Variants in PABPC4L observed in about 807,000 individuals in gnomAD.
PABPC4L encodes poly(A) binding protein cytoplasmic 4 like.
For missense variants in PABPC4L, 452 were observed against 451.4 expected, an observed-to-expected ratio of 1.00 and a Z score of -0.01; for synonymous variants, 169 against 164.1, an observed-to-expected ratio of 1.03 and a Z score of -0.23.
the PABPC4L span, among the ~76,000 whole-genome samples, chr4:134,014,743 A>C: frequency 6.6e-6 from 1 of 151,970 alleles, no homozygotes; most frequent in South Asian, 2.1e-4. Context: ...TCCCCTTCTT[A>C]ATCAATACAA....
chr4:134,201,291 C>T, intron 1 of PABPC4L, 46 bp from the exon 2 acceptor site: 2 of 1,412,716 alleles, frequency 1.4e-6, no homozygotes, highest in Non-Finnish European at 1.9e-6. Flanking sequence ...CGTTCCTTCC[C>T]CTCAGATTTG....
chr4:134,143,747 GT>G, the PABPC4L span, among the ~76,000 whole-genome samples: 1 of 151,124 alleles, frequency 6.6e-6, no homozygotes, highest in East Asian at 1.9e-4. Flanking sequence ...AACTTCAAAC[GT>G]TTTTAATAAT....
chr4:134,008,215 G>T, the PABPC4L span, among the ~76,000 whole-genome samples: 1 of 151,686 alleles, frequency 6.6e-6, no homozygotes, highest in Non-Finnish European at 1.5e-5. Flanking sequence ...ATATACAGTG[G>T]CATAAACCAT....
the PABPC4L span, among the ~76,000 whole-genome samples, chr4:134,044,448 T>C: frequency 6.6e-6 from 1 of 151,834 alleles, no homozygotes; most frequent in East Asian, 2.0e-4. Context: ...TATTTTTTAA[T>C]AGAGACGGTG....
chr4:133,984,432 C>T, the PABPC4L span, among the ~76,000 whole-genome samples: 2 of 151,838 alleles, frequency 1.3e-5, no homozygotes, highest in East Asian at 3.9e-4. Context: ...TCAAAAATGG[C>T]ATTTTTTCAC....
the PABPC4L span, among the ~76,000 whole-genome samples, chr4:134,014,371 A>C: frequency 6.6e-6 from 1 of 152,262 alleles, no homozygotes; most frequent in Admixed American, 6.5e-5. Flanking sequence ...CATCTCCAGC[A>C]CACAAGAACT....
rs1360812502 is a variant in PABPC4L, at chr4:134,200,215, C to T, written c.805G>A (p.Val269Ile). ...LIFVGRAQKK[V>I]ERQAELKQMF... The stretch of plus-strand genomic sequence containing the variant: ...TGCTTTAACTCAGCCTGTCGCTCGA[C>T]TTTCTTTTGAGCCCGGCCTACAAAA... Residue 269 changes from valine (V) to isoleucine (I), a missense_variant, in exon 2 of 2, where the codon GTC becomes ATC. Physicochemically the swap from Val to Ile is conservative, Grantham distance 29 (BLOSUM62 3). Coordinates refer to ENST00000421491, the MANE Select transcript of PABPC4L (RefSeq NM_001114734.2). 1.9e-6 allele frequency: 3 copies of T among 1,551,792 alleles called. No individual in the cohort carries two copies. Among genetic ancestry groups the T allele is most frequent in the Non-Finnish European group, 2.6e-6 (3 of 1,147,028 alleles).
Position 134,200,902 on chromosome 4 carries a change from G to T in PABPC4L, c.118C>A (p.Arg40Ser), listed in dbSNP as rs1436460887. Residue 40 changes from arginine to serine, a missense_variant, in exon 2 of 2, where the codon CGC becomes AGC. Physicochemically the swap from Arg to Ser is moderately radical, Grantham distance 110. Coordinates refer to ENST00000421491, the MANE Select transcript of PABPC4L (RefSeq NM_001114734.2). Reference protein sequence around the residue: ...FSTVGPVLSIRICRDQVTRRS... With the variant: ...FSTVGPVLSISICRDQVTRRS... ...CGGGTGACCTGGTCCCTGCAAATGCGGATGGACAGCACAGGCCCCACAGTG... is the reference window on the plus strand; with the variant it reads ...CGGGTGACCTGGTCCCTGCAAATGCTGATGGACAGCACAGGCCCCACAGTG... 2.6e-6 allele frequency: 4 copies of T among 1,560,778 alleles called. No individual in the cohort carries two copies. In the East Asian group the frequency reaches 7.2e-5, roughly 28 times the overall value.
the PABPC4L span, among the ~76,000 whole-genome samples, chr4:134,004,888 T>C: frequency 6.6e-6 from 1 of 151,872 alleles, no homozygotes; most frequent in Non-Finnish European, 1.5e-5. Flanking sequence ...ATCTCTTATA[T>C]GTGGAATCTA....
chr4:134,194,968 CT>C (rs1463409667), downstream of PABPC4L, among the ~76,000 whole-genome samples: 3 of 151,816 alleles, frequency 2.0e-5, no homozygotes, highest in East Asian at 5.8e-4. Flanking sequence ...TTACCAATAT[CT>C]TTTTAATTAA....
the PABPC4L span, among the ~76,000 whole-genome samples, chr4:134,022,180 A>G: frequency 6.6e-6 from 1 of 152,056 alleles, no homozygotes; most frequent in African/African-American, 2.4e-5. Flanking sequence ...CCCAAACTCT[A>G]TTTATTCTGT....
the PABPC4L span, among the ~76,000 whole-genome samples, chr4:134,109,088 A>G: frequency 1.3e-5 from 2 of 151,988 alleles, no homozygotes; most frequent in Non-Finnish European, 2.9e-5. Flanking sequence ...TAAAAGATGT[A>G]TATTAGTTGA....
At chr4:134,066,750 G>A in the PABPC4L span, among the ~76,000 whole-genome samples, 1 of 151,908 alleles carries the variant, frequency 6.6e-6, no homozygotes, top group Non-Finnish European at 1.5e-5. Flanking sequence ...TTAACATGAA[G>A]AGAGGTTGAA....
chr4:134,137,056 T>C, the PABPC4L span, among the ~76,000 whole-genome samples: 1 of 152,038 alleles, frequency 6.6e-6, no homozygotes, highest in African/African-American at 2.4e-5. Flanking sequence ...GAGTTCATTC[T>C]CATAAATGTC....
At chr4:134,169,341 TATC>T in the PABPC4L span, among the ~76,000 whole-genome samples, 1,581 of 152,094 alleles carry the variant, frequency 0.01, 33 homozygotes, top group African/African-American at 0.036. Flanking sequence ...CCACGAATAT[TATC>T]ATACTGAAAA....
chr4:133,990,153 T>C, the PABPC4L span, among the ~76,000 whole-genome samples: 1 of 152,158 alleles, frequency 6.6e-6, no homozygotes, highest in Non-Finnish European at 1.5e-5. Flanking sequence ...CCACACCTTA[T>C]TGCACATCAC....
At chr4:133,963,725 C>G in the PABPC4L span, among the ~76,000 whole-genome samples, 1 of 151,964 alleles carries the variant, frequency 6.6e-6, no homozygotes, top group African/African-American at 2.4e-5. Context: ...ATTAAATAAC[C>G]TGTTCCTCAA....
the PABPC4L span, among the ~76,000 whole-genome samples, chr4:133,965,660 C>A: frequency 6.6e-6 from 1 of 152,018 alleles, no homozygotes; most frequent in South Asian, 2.1e-4. Flanking sequence ...AGAAATGAAC[C>A]CAAATACTTG....
chr4:134,018,102 C>A, the PABPC4L span, among the ~76,000 whole-genome samples: 1 of 152,034 alleles, frequency 6.6e-6, no homozygotes, highest in Non-Finnish European at 1.5e-5. Flanking sequence ...CCTGTTCCTG[C>A]CTTAACTGAT....
Sources: allele counts gnomAD v4.1 joint callset (sites outside exome capture counted in the v4.1 genomes callset), GRCh38; gene constraint gnomAD v4.1.1; transcripts MANE v1.5; gene names NCBI Gene and HGNC (gene_info 2026-07-23, HGNC 2026-07-21).